RALGPS1: variants seen among roughly 807,000 people sequenced by gnomAD.
The protein encoded by RALGPS1 is Ral GEF with PH domain and SH3 binding motif 1, also known as ras-specific guanine nucleotide-releasing factor RalGPS1.
RALGPS1 carries 19 observed loss-of-function variants against 78.8 expected under a neutral mutation model. The ratio of observed to expected loss-of-function variants is 0.24; its 90% CI spans 0.17 to 0.35. The LOEUF is 0.35. Ranked by LOEUF, RALGPS1 falls within the 10% of genes least tolerant of loss-of-function variation. The probability of loss-of-function intolerance (pLI) is 1.00; values close to 1 mark genes in which losing one functional copy is unlikely to be tolerated. For synonymous variants in RALGPS1, 228 were observed against 256.3 expected (o/e 0.89, Z 1.06); for missense variants, 454 against 688.3 (o/e 0.66, Z 3.81).
chr9:127,177,071 G>C (rs2059921289), intron 11 of RALGPS1, among the ~76,000 whole-genome samples: 1 of 152,144 alleles, frequency 6.6e-6, no homozygotes, highest in South Asian at 2.1e-4. Flanking sequence ...ATTATTCTCT[G>C]TCTGGTCACT....
At chr9:127,201,052 T>A (rs1191028104) in intron 14 of RALGPS1, among the ~76,000 whole-genome samples, 1 of 152,256 alleles carries the variant, frequency 6.6e-6, no homozygotes, top group Non-Finnish European at 1.5e-5. Context: ...TACTCATGAC[T>A]GAGATTAGAG....
chr9:127,003,705 A>T (rs535829624), intron 4 of RALGPS1, among the ~76,000 whole-genome samples: 90 of 147,740 alleles, frequency 6.1e-4, no homozygotes, highest in African/African-American at 1.7e-3. Flanking sequence ...TTTTTTTTTA[A>T]AATTATTTTT....
chr9:126,921,423 A>T (rs2034741749), intron 1 of RALGPS1, among the ~76,000 whole-genome samples: 1 of 152,224 alleles, frequency 6.6e-6, no homozygotes, highest in South Asian at 2.1e-4. Flanking sequence ...GAGTACCTGC[A>T]CTGATCATTC....
chr9:127,123,361 C>T (rs2056340630), intron 8 of RALGPS1, among the ~76,000 whole-genome samples: 1 of 152,234 alleles, frequency 6.6e-6, no homozygotes, highest in Non-Finnish European at 1.5e-5. Context: ...CACTTCACCT[C>T]TCTGGGCATC....
chr9:127,115,066 G>T (rs563929332), intron 8 of RALGPS1, among the ~76,000 whole-genome samples: 1 of 152,180 alleles, frequency 6.6e-6, no homozygotes, highest in Non-Finnish European at 1.5e-5. Context: ...AATGGCTGTC[G>T]TTTGTTGTGA....
At chr9:127,146,889 A>T (rs967427475) in intron 8 of RALGPS1, among the ~76,000 whole-genome samples, 1 of 152,238 alleles carries the variant, frequency 6.6e-6, no homozygotes, top group Non-Finnish European at 1.5e-5. Flanking sequence ...CTTTAGGCAT[A>T]TACCCAGTAA....
chr9:126,932,539 C>T (rs1368296925), intron 1 of RALGPS1, among the ~76,000 whole-genome samples: 1 of 152,166 alleles, frequency 6.6e-6, no homozygotes, highest in Non-Finnish European at 1.5e-5. Flanking sequence ...ACACGTGGTA[C>T]ACTCCCATGA....
chr9:126,967,357 C>T (rs944569415), intron 3 of RALGPS1, among the ~76,000 whole-genome samples: 15 of 152,300 alleles, frequency 9.8e-5, no homozygotes, highest in Middle Eastern at 3.4e-3. Context: ...CACCTGCATC[C>T]TCTGTCCTTT....
rs1436242661 is a variant in RALGPS1 at position 127,222,201 on chromosome 9, T to C, written c.*3432T>C. The stretch of plus-strand genomic sequence containing the variant: ...CAACAAACAGTCCCCACCACACCTA[T>C]CTCCTTAGGCAAGACTTTGCCTCTC... On this transcript the variant is annotated 3_prime_UTR_variant, in exon 19 of 19. Transcript: ENST00000259351. 1 of 152,204 alleles carries C rather than the reference T, an allele frequency of 6.6e-6. No individual in the cohort carries two copies. The highest frequency in any genetic ancestry group is 1.5e-5 in the Non-Finnish European group (1 of 68,054). The allele number at this position is 152,204 out of a possible 1,614,324, so 9.4% of individuals were successfully genotyped here.
chr9:126,926,111 G>A (rs778526177), intron 1 of RALGPS1, among the ~76,000 whole-genome samples: 2 of 152,194 alleles, frequency 1.3e-5, no homozygotes, highest in Non-Finnish European at 2.9e-5. Flanking sequence ...CATTACCTGT[G>A]GTTTCCAATA....
chr9:127,190,782 A>G (rs2060984437), intron 11 of RALGPS1, among the ~76,000 whole-genome samples: 1 of 152,232 alleles, frequency 6.6e-6, no homozygotes, highest in Admixed American at 6.5e-5. Context: ...ATCACCAGGT[A>G]TAAAAGGCAG....
chr9:127,148,414 G>C (rs539380221), intron 8 of RALGPS1, among the ~76,000 whole-genome samples: 1 of 152,260 alleles, frequency 6.6e-6, no homozygotes, highest in Non-Finnish European at 1.5e-5. Context: ...TTTTCTCACT[G>C]TTGTATCCTG....
chr9:126,995,843 A>AGTGCAATC (rs2042695803), intron 4 of RALGPS1, among the ~76,000 whole-genome samples: 1 of 152,278 alleles, frequency 6.6e-6, no homozygotes, highest in South Asian at 2.1e-4. Context: ...CTCAGAACAC[A>AGTGCAATC]GTGCAATCAA....
At chr9:127,088,944 G>A (rs2052103796) in intron 8 of RALGPS1, 3 of 1,614,214 alleles carry the variant, frequency 1.9e-6, no homozygotes, top group Non-Finnish European at 2.5e-6. Flanking sequence ...CTGGCTTAGT[G>A]GAAGGTGTTG....
intron 10 of RALGPS1, among the ~76,000 whole-genome samples, chr9:127,168,974 A>G (rs1360394148): frequency 2.0e-5 from 3 of 152,216 alleles, no homozygotes; most frequent in Non-Finnish European, 2.9e-5. Flanking sequence ...ACAGCCCCGC[A>G]GTGGTGATGT....
chr9:127,000,075 T>C (rs979776677), intron 4 of RALGPS1, among the ~76,000 whole-genome samples: 2 of 152,224 alleles, frequency 1.3e-5, no homozygotes, highest in Admixed American at 1.3e-4. Flanking sequence ...ATTCCTCATA[T>C]TGGTAATTTG....
At chr9:126,931,553 C>T (rs73587373) in intron 1 of RALGPS1, among the ~76,000 whole-genome samples, 2,814 of 152,216 alleles carry the variant, frequency 0.018, 96 homozygotes, top group African/African-American at 0.064. Context: ...CTGTATGAAA[C>T]GTGTAGAAGA....
intron 11 of RALGPS1, chr9:127,177,908 C>A: frequency 6.5e-7 from 1 of 1,549,332 alleles, no homozygotes; most frequent in South Asian, 1.2e-5. Context: ...CATGTGAGAC[C>A]AGAAACCAGC....
At chr9:127,101,355 C>T (rs974201548) in intron 8 of RALGPS1, among the ~76,000 whole-genome samples, 1 of 152,204 alleles carries the variant, frequency 6.6e-6, no homozygotes, top group African/African-American at 2.4e-5. Context: ...CTGCAGTTAT[C>T]ACACCACATT....
Sources: gnomAD v4.1 joint callset for allele counts (sites outside exome capture counted in the v4.1 genomes callset) on GRCh38, gnomAD v4.1.1 for gene constraint, MANE v1.5 for transcripts, NCBI Gene and HGNC (gene_info 2026-07-23, HGNC 2026-07-21) for gene names.